PTPRD: variants seen among roughly 807,000 people sequenced by gnomAD.
PTPRD encodes receptor-type tyrosine-protein phosphatase delta.
A neutral mutation model predicts 214.5 loss-of-function variants in PTPRD; 34 were observed. The observed-to-expected ratio is 0.16, with a 90% CI of 0.12 to 0.21. The LOEUF is 0.21. Among genes scored for constraint, PTPRD ranks in the 10% least tolerant of loss-of-function variants. The pLI is 1.00. For missense variants in PTPRD, 2,545 were observed against 2,398.7 expected, an observed-to-expected ratio of 1.06 and a Z score of -1.27; for synonymous variants, 1,128 against 845.7, an observed-to-expected ratio of 1.33 and a Z score of -5.79.
chr9:9,510,482 T>C (rs1474096923), intron 8 of PTPRD, among the ~76,000 whole-genome samples: 3 of 151,654 alleles, frequency 2.0e-5, no homozygotes, highest in Non-Finnish European at 4.4e-5. Context: ...GGATAGTTAG[T>C]TGCTTTAATA....
chr9:9,966,998 G>C (rs2094751263), intron 4 of PTPRD, among the ~76,000 whole-genome samples: 1 of 152,082 alleles, frequency 6.6e-6, no homozygotes, highest in Non-Finnish European at 1.5e-5. Context: ...AGAGTTTAGG[G>C]ACTACAGATC....
intron 9 of PTPRD, among the ~76,000 whole-genome samples, chr9:9,193,844 T>C (rs956682984): frequency 5.9e-5 from 9 of 152,096 alleles, no homozygotes; most frequent in Non-Finnish European, 1.3e-4. Flanking sequence ...CTGTAAACTT[T>C]GGCTACACTA....
chr9:10,577,506 G>T (rs2069843633), intron 2 of PTPRD, among the ~76,000 whole-genome samples: 1 of 152,128 alleles, frequency 6.6e-6, no homozygotes, highest in African/African-American at 2.4e-5. Flanking sequence ...CTGTTCTCCT[G>T]TTGAGCCTCC....
chr9:9,321,768 G>A (rs1345074304), intron 9 of PTPRD, among the ~76,000 whole-genome samples: 1 of 152,090 alleles, frequency 6.6e-6, no homozygotes, highest in Non-Finnish European at 1.5e-5. Context: ...TGTAGAATGG[G>A]AGTTGTAGCA....
chr9:8,614,551 G>C (rs1476628471), intron 14 of PTPRD, among the ~76,000 whole-genome samples: 8 of 152,116 alleles, frequency 5.3e-5, no homozygotes, highest in African/African-American at 1.7e-4. Context: ...TTAGGACTGA[G>C]TCAATTTCAT....
intron 5 of PTPRD, among the ~76,000 whole-genome samples, chr9:9,786,744 C>G (rs544935635): frequency 6.6e-6 from 1 of 152,108 alleles, no homozygotes; most frequent in African/African-American, 2.4e-5. Context: ...GCATGTTGTG[C>G]ACATGTACCC....
In PTPRD at chr9:10,181,998, G is replaced by A. The variant is rs375861673; in HGVS notation, c.-544-148208C>T. Among the ~76,000 whole-genome samples the A allele has an allele frequency of 7.8e-5, 11 of 140,436 alleles. No homozygotes were observed. In the East Asian group the frequency reaches 2.4e-3, roughly 31 times the overall value. 92.1% of individuals were successfully genotyped at this position (140,436 alleles called of 152,430 possible). A position where few individuals can be genotyped will look rare whatever the true frequency, so the allele number is the denominator to read the frequency against. ...TGGCTGGGTGCAGTGGCTCACGCCT[G>A]TAATCCCAGCACTTTGTGAGGCCAA... On this transcript the variant is annotated intron_variant, in intron 3 of 45. Transcript: ENST00000381196.
chr9:10,029,517 C>T (rs1301661932), intron 4 of PTPRD, among the ~76,000 whole-genome samples: 2 of 152,180 alleles, frequency 1.3e-5, no homozygotes, highest in Non-Finnish European at 2.9e-5. Context: ...GGATGTGAGA[C>T]ATGGAGTCAA....
At chr9:9,689,846 A>G (rs1285902942) in intron 7 of PTPRD, among the ~76,000 whole-genome samples, 2 of 151,896 alleles carry the variant, frequency 1.3e-5, no homozygotes, top group African/African-American at 2.4e-5. Context: ...ATACCATTTC[A>G]TTATGTATGT....
At chr9:8,963,319 T>C (rs2099168529) in intron 11 of PTPRD, among the ~76,000 whole-genome samples, 1 of 152,102 alleles carries the variant, frequency 6.6e-6, no homozygotes. Flanking sequence ...CATGGGAGGA[T>C]TTTAGGTATT....
At chr9:9,190,031 A>G (rs2099934133) in intron 9 of PTPRD, among the ~76,000 whole-genome samples, 1 of 152,090 alleles carries the variant, frequency 6.6e-6, no homozygotes, top group Admixed American at 6.6e-5. Flanking sequence ...GAGTGAGGAC[A>G]GCATGAGAAG....
chr9:8,596,551 G>T (rs1237509253), intron 14 of PTPRD, among the ~76,000 whole-genome samples: 2 of 151,976 alleles, frequency 1.3e-5, no homozygotes, highest in African/African-American at 4.8e-5. Flanking sequence ...CGGAAAGTGA[G>T]AAAGAAAAGT....
At chr9:9,414,461 G>T (rs2076405386) in intron 8 of PTPRD, among the ~76,000 whole-genome samples, 1 of 152,184 alleles carries the variant, frequency 6.6e-6, no homozygotes. Context: ...AATACATTTA[G>T]GGAAGGACGG....
intron 11 of PTPRD, among the ~76,000 whole-genome samples, chr9:8,928,640 G>C (rs1270584377): frequency 6.6e-6 from 1 of 152,074 alleles, no homozygotes; most frequent in Non-Finnish European, 1.5e-5. Context: ...CTCTGGCTTT[G>C]TTCTTTTTGC....
chr9:10,410,270 T>TATATATATATATATATATATATACACAC (rs532202941), intron 2 of PTPRD, among the ~76,000 whole-genome samples: 27 of 139,838 alleles, frequency 1.9e-4, no homozygotes, highest in South Asian at 4.6e-4. Flanking sequence ...TATATATATA[T>TATATATATATATATATATATATACACAC]ACACACACAC....
At chr9:8,884,551 A>T (rs1478304221) in intron 11 of PTPRD, among the ~76,000 whole-genome samples, 2 of 152,232 alleles carry the variant, frequency 1.3e-5, no homozygotes, top group African/African-American at 2.4e-5. Context: ...GCAACCAGGG[A>T]ACCAAAAGGC....
At chr9:9,046,987 T>G (rs1389056198) in intron 10 of PTPRD, among the ~76,000 whole-genome samples, 1 of 152,124 alleles carries the variant, frequency 6.6e-6, no homozygotes, top group Non-Finnish European at 1.5e-5. Flanking sequence ...AATCCTTGCT[T>G]GCAGATGGTA....
intron 32 of PTPRD, among the ~76,000 whole-genome samples, chr9:8,460,896 C>G (rs1284246577): frequency 6.6e-6 from 1 of 151,950 alleles, no homozygotes; most frequent in East Asian, 1.9e-4. Flanking sequence ...CAGTAATTAA[C>G]CAGTTGCAAA....
intron 11 of PTPRD, among the ~76,000 whole-genome samples, chr9:8,753,729 A>G (rs2093733201): frequency 6.6e-6 from 1 of 152,246 alleles, no homozygotes; most frequent in Non-Finnish European, 1.5e-5. Context: ...TCAAAAATAT[A>G]AAACACTAAA....
Sources: allele counts gnomAD v4.1 joint callset (sites outside exome capture counted in the v4.1 genomes callset), GRCh38; gene constraint gnomAD v4.1.1; transcripts MANE v1.5; gene names NCBI Gene and HGNC (gene_info 2026-07-23, HGNC 2026-07-21).